The following NECTIN3 variants were observed in gnomAD, a reference collection of about 807,000 sequenced individuals.
NECTIN3 encodes nectin cell adhesion molecule 3, also known as nectin-3.
Under a neutral mutation model 49.4 loss-of-function variants are expected in NECTIN3, and 8 were observed. The observed-to-expected ratio is 0.16, with a 90% CI of 0.10 to 0.29. NECTIN3 has a LOEUF of 0.29. Ranked by LOEUF, NECTIN3 falls within the 10% of genes least tolerant of loss-of-function variation. The probability of loss-of-function intolerance (pLI) is 1.00; values close to 1 mark genes in which losing one functional copy is unlikely to be tolerated. For missense variants in NECTIN3, 581 were observed against 654.6 expected (o/e 0.89, Z 1.23); for synonymous variants, 277 against 241.1 (o/e 1.15, Z -1.38).
At chr3:111,151,983 A>G (rs1039994613) in intron 7 of NECTIN3, among the ~76,000 whole-genome samples, 3 of 151,582 alleles carry the variant, frequency 2.0e-5, no homozygotes, top group African/African-American at 7.3e-5. Flanking sequence ...GGTGCATTTT[A>G]ATTTATTTCC....
chr3:111,104,922 T>C (rs1199472149), intron 1 of NECTIN3, among the ~76,000 whole-genome samples: 2 of 152,164 alleles, frequency 1.3e-5, no homozygotes, highest in Non-Finnish European at 2.9e-5. Context: ...AATTTGATTG[T>C]GTTAAATCTG....
intron 7 of NECTIN3, among the ~76,000 whole-genome samples, chr3:111,148,404 A>T (rs1192625617): frequency 6.6e-6 from 1 of 152,212 alleles, no homozygotes; most frequent in African/African-American, 2.4e-5. Context: ...TTGTCATCTT[A>T]CACAGTTAGG....
chr3:111,093,590 A>G (rs1469464759), intron 1 of NECTIN3, among the ~76,000 whole-genome samples: 1 of 151,724 alleles, frequency 6.6e-6, no homozygotes, highest in African/African-American at 2.4e-5. Context: ...ACGTGCCACC[A>G]CGCCTGGATA....
intron 2 of NECTIN3, among the ~76,000 whole-genome samples, chr3:111,118,208 A>C (rs1279766248): frequency 5.7e-5 from 8 of 139,950 alleles, no homozygotes; most frequent in African/African-American, 7.8e-5. Flanking sequence ...ACTTATTTTT[A>C]AAAGTATTTG....
downstream of NECTIN3, among the ~76,000 whole-genome samples, chr3:111,138,429 GT>G (rs1326736951): frequency 1.3e-5 from 2 of 150,904 alleles, no homozygotes; most frequent in South Asian, 2.1e-4. Flanking sequence ...ATATTTCTGG[GT>G]TTTTTTTCTG....
chr3:111,091,604 A>G (rs2032277166), intron 1 of NECTIN3, among the ~76,000 whole-genome samples: 1 of 152,240 alleles, frequency 6.6e-6, no homozygotes, highest in South Asian at 2.1e-4. Context: ...AATGTTATCA[A>G]AGTTCATCAA....
intron 1 of NECTIN3, among the ~76,000 whole-genome samples, chr3:111,087,057 A>G (rs1297240694): frequency 6.6e-6 from 1 of 152,082 alleles, no homozygotes; most frequent in African/African-American, 2.4e-5. Context: ...TGGCATGTAA[A>G]ATGCAATCCA....
In NECTIN3 at chr3:111,135,789, T is replaced by C. The variant is rs887702011; in HGVS notation, c.*1574T>C. ...ATGGTATCTTGCAAATAGTGAAAGC[T>C]TTATTCTGAAGGATTATAAACTAGT... On this transcript the variant is annotated 3_prime_UTR_variant, in exon 6 of 6. Transcript: ENST00000485303. 6 of 956,014 alleles carry C rather than the reference T, an allele frequency of 6.3e-6. No individual in the cohort carries two copies. In the African/African-American group the frequency reaches 8.8e-5, roughly 14 times the overall value. 59.2% of individuals were successfully genotyped at this position (956,014 alleles called of 1,614,324 possible). A position where few individuals can be genotyped will look rare whatever the true frequency, so the allele number is the denominator to read the frequency against.
intron 1 of NECTIN3, among the ~76,000 whole-genome samples, chr3:111,081,105 G>T (rs764382864): frequency 6.6e-6 from 1 of 152,054 alleles, no homozygotes. Context: ...GTGAGACCTC[G>T]TCTCTGCCAA....
chr3:111,081,946 T>C (rs2031633851), intron 1 of NECTIN3, among the ~76,000 whole-genome samples: 1 of 152,224 alleles, frequency 6.6e-6, no homozygotes, highest in African/African-American at 2.4e-5. Context: ...CTTGATAGAT[T>C]GTATAGCTCT....
intron 2 of NECTIN3, 36 bp from the exon 3 acceptor site, chr3:111,118,620 T>A: frequency 6.8e-7 from 1 of 1,467,314 alleles, no homozygotes; most frequent in Non-Finnish European, 9.1e-7. Flanking sequence ...TATTCTTGTT[T>A]GAATGTAACT....
At chr3:111,141,609 G>T (rs1340036800), downstream of NECTIN3, among the ~76,000 whole-genome samples, 1 of 151,706 alleles carries the variant, frequency 6.6e-6, no homozygotes, top group Non-Finnish European at 1.5e-5. Flanking sequence ...TTTTAATTAG[G>T]TGTGTCAGTA....
downstream of NECTIN3, among the ~76,000 whole-genome samples, chr3:111,140,585 C>T (rs146191521): frequency 6.0e-3 from 911 of 151,912 alleles, 7 homozygotes; most frequent in African/African-American, 0.021. Flanking sequence ...GCACTGATAT[C>T]TCCACAGAGT....
chr3:111,087,325 T>C (rs1338185301), intron 1 of NECTIN3, among the ~76,000 whole-genome samples: 1 of 152,154 alleles, frequency 6.6e-6, no homozygotes, highest in Non-Finnish European at 1.5e-5. Flanking sequence ...CATTTCAAAA[T>C]TAAGTATAAT....
chr3:111,077,126 T>C (rs2031260002), intron 1 of NECTIN3: 4 of 374,700 alleles, frequency 1.1e-5, no homozygotes, highest in Non-Finnish European at 2.2e-5. Flanking sequence ...GCAGGTATTA[T>C]AGTTATTTTA....
intron 5 of NECTIN3, among the ~76,000 whole-genome samples, chr3:111,132,053 A>C (rs1411291249): frequency 6.6e-6 from 1 of 151,854 alleles, no homozygotes. Flanking sequence ...CTATATTTTT[A>C]ATGTTCTAAT....
At chr3:111,140,019 A>C (rs540045802), downstream of NECTIN3, among the ~76,000 whole-genome samples, 79 of 151,870 alleles carry the variant, frequency 5.2e-4, no homozygotes, top group African/African-American at 1.8e-3. Flanking sequence ...TTTTATTTTC[A>C]ATTTTATACT....
At chr3:111,131,713 C>G (rs1042614745) in intron 5 of NECTIN3, among the ~76,000 whole-genome samples, 1 of 151,532 alleles carries the variant, frequency 6.6e-6, no homozygotes, top group African/African-American at 2.4e-5. Flanking sequence ...AAGAAATTTG[C>G]AAATAGAAGT....
chr3:111,127,074 C>G (rs1386384001), intron 5 of NECTIN3, among the ~76,000 whole-genome samples: 1 of 152,074 alleles, frequency 6.6e-6, no homozygotes, highest in Non-Finnish European at 1.5e-5. Flanking sequence ...CATCTCCTTA[C>G]TGATTACAAG....
Sources: allele counts gnomAD v4.1 joint callset (sites outside exome capture counted in the v4.1 genomes callset), GRCh38; gene constraint gnomAD v4.1.1; transcripts MANE v1.5; gene names NCBI Gene and HGNC (gene_info 2026-07-23, HGNC 2026-07-21).